Variants in TMEM131L observed in about 807,000 individuals in gnomAD.
TMEM131L encodes the protein transmembrane protein 131-like.
In TMEM131L, 54 loss-of-function variants were observed where a neutral mutation model predicts 192.2. The observed-to-expected ratio is 0.28, with a 90% CI of 0.23 to 0.35. TMEM131L has a LOEUF of 0.35. Among genes scored for constraint, TMEM131L ranks in the 10% least tolerant of loss-of-function variants. TMEM131L has a pLI of 1.00. For synonymous variants in TMEM131L, 701 were observed against 704.9 expected (o/e 0.99, Z 0.09); for missense variants, 1,888 against 1,972.9 (o/e 0.96, Z 0.82).
At chr4:153,617,778 G>A (rs1168476183) in intron 26 of TMEM131L, among the ~76,000 whole-genome samples, 1 of 151,644 alleles carries the variant, frequency 6.6e-6, no homozygotes, top group Non-Finnish European at 1.5e-5. Flanking sequence ...AACCAAAATG[G>A]AAAGAGGAGA....
intron 3 of TMEM131L, among the ~76,000 whole-genome samples, chr4:153,529,584 G>T (rs995947746): frequency 1.3e-5 from 2 of 152,200 alleles, no homozygotes; most frequent in Non-Finnish European, 2.9e-5. Context: ...AAATCTTAAT[G>T]CAAGCACAAA....
At chr4:153,635,026 T>C (rs1403117576) in intron 33 of TMEM131L, among the ~76,000 whole-genome samples, 1 of 152,238 alleles carries the variant, frequency 6.6e-6, no homozygotes, top group African/African-American at 2.4e-5. Flanking sequence ...TCCTTGGTTT[T>C]GGATTGCTGT....
intron 25 of TMEM131L, among the ~76,000 whole-genome samples, chr4:153,604,944 T>A (rs1435967354): frequency 2.6e-5 from 4 of 152,136 alleles, no homozygotes. Context: ...CCTCAAGTGA[T>A]CCACCCCTTT....
chr4:153,601,890 A>G lies in TMEM131L; in HGVS notation c.2267-262A>G, dbSNP rs535372408. 397 of 233,466 alleles carry G rather than the reference A, an allele frequency of 1.7e-3. 1 individual carries two copies. Among genetic ancestry groups the G allele is most frequent in the Non-Finnish European group, 2.6e-3 (325 of 123,308 alleles). 14.5% of individuals were successfully genotyped at this position (233,466 alleles called of 1,614,324 possible). ...GTAAAGGGACCAAAGAAGAGATTTT[A>G]GTTACTTTTTGTATCTTGGTAGAGC... On this transcript the variant is annotated intron_variant, in intron 21 of 34. Coordinates refer to ENST00000409959, the MANE Select transcript of TMEM131L (RefSeq NM_001131007.2).
chr4:153,499,190 T>C (rs967515070), intron 3 of TMEM131L, among the ~76,000 whole-genome samples: 2 of 152,220 alleles, frequency 1.3e-5, no homozygotes, highest in African/African-American at 4.8e-5. Context: ...AGGCTGCGCC[T>C]TGTAACTTGT....
rs12649523 is a variant in TMEM131L, at chr4:153,505,259, A to G, written c.239+31371A>G. On this transcript the variant is annotated intron_variant, in intron 3 of 34. Transcript: ENST00000409959. Reference sequence around the variant, plus strand: ...GTAGCTGGGACTACAGGCACGCACCACCACACCCCGGTAATTTTTGTATTT... The same window carrying G: ...GTAGCTGGGACTACAGGCACGCACCGCCACACCCCGGTAATTTTTGTATTT... Among the ~76,000 whole-genome samples the G allele has an allele frequency of 0.011, 1,632 of 151,898 alleles. 81 individuals are homozygous for G. The East Asian group carries it at 0.15, about 14-fold the overall frequency.
chr4:153,586,642 T>G lies in TMEM131L; in HGVS notation c.1482+263T>G, dbSNP rs1157943881. On this transcript the variant is annotated intron_variant, in intron 14 of 34. Transcript: ENST00000409959. Reference sequence around the variant, plus strand: ...GACCAATAGATTAATAGATGTCATTTTCATTTATTTCCAAAATTTGTAGAG... The same window carrying G: ...GACCAATAGATTAATAGATGTCATTGTCATTTATTTCCAAAATTTGTAGAG... 2.6e-5 allele frequency among the ~76,000 whole-genome samples: 4 copies of G among 152,212 alleles called. No homozygotes were observed. The East Asian group carries it at 7.7e-4, about 29-fold the overall frequency.
At chr4:153,612,540 G>T (rs1287524947) in intron 26 of TMEM131L, 140 bp downstream of exon 26, 33 of 601,132 alleles carry the variant, frequency 5.5e-5, no homozygotes, top group Non-Finnish European at 7.9e-5. Flanking sequence ...TGTGTTCAGA[G>T]AATTTTATTT....
intron 23 of TMEM131L, 73 bp from the exon 24 acceptor site, chr4:153,603,230 T>TC (rs1731970948): frequency 7.6e-7 from 1 of 1,311,764 alleles, no homozygotes. Context: ...TCCCCACTCT[T>TC]CTGTAATGAA....
intron 3 of TMEM131L, among the ~76,000 whole-genome samples, chr4:153,491,106 T>C (rs1732749567): frequency 6.6e-6 from 1 of 152,142 alleles, no homozygotes; most frequent in Admixed American, 6.6e-5. Context: ...GACACACAGA[T>C]ATCAAGTAAC....
chr4:153,563,957 T>C (rs1729020279), intron 7 of TMEM131L, among the ~76,000 whole-genome samples: 1 of 151,986 alleles, frequency 6.6e-6, no homozygotes, highest in Non-Finnish European at 1.5e-5. Flanking sequence ...GACCAGGTCA[T>C]GAGGAGGGGC....
intron 20 of TMEM131L, among the ~76,000 whole-genome samples, chr4:153,598,243 GT>G (rs33919587): frequency 0.28 from 41,361 of 148,606 alleles, 5,792 homozygotes; most frequent in Non-Finnish European, 0.33. Context: ...TATTTCTTCA[GT>G]TTTTTTTTTT....
At chr4:153,534,655 T>G (rs576843272) in intron 3 of TMEM131L, among the ~76,000 whole-genome samples, 17 of 152,220 alleles carry the variant, frequency 1.1e-4, no homozygotes, top group South Asian at 2.1e-4. Flanking sequence ...GGATGGTCTC[T>G]ATCTCCTGAC....
At chr4:153,515,092 A>G (rs1369464300) in intron 3 of TMEM131L, among the ~76,000 whole-genome samples, 1 of 152,250 alleles carries the variant, frequency 6.6e-6, no homozygotes, top group Non-Finnish European at 1.5e-5. Flanking sequence ...GATTGCAGGC[A>G]TTAGCCACCG....
rs573217310 is a variant in TMEM131L, at chr4:153,603,423, T to C, written c.2760T>C (p.Pro920=). ...CCTCTTCACAGCAAAACAATGGTCC[T>C]ATGGATGTAATCAGCCCCCATTCTT... is the stretch of plus-strand genomic sequence containing the variant. ...ASSSSQQNNG[P]MDVISPHSYK... The change falls in exon 24 of 35, where the codon CCT becomes CCC. Residue 920 remains proline, a synonymous_variant. Coordinates refer to ENST00000409959, the MANE Select transcript of TMEM131L (RefSeq NM_001131007.2). 1.2e-5 allele frequency: 19 copies of C among 1,614,084 alleles called. No homozygotes were observed. Among genetic ancestry groups the C allele is most frequent in the Admixed American group, 1.2e-4 (7 of 60,002 alleles).
intron 3 of TMEM131L, among the ~76,000 whole-genome samples, chr4:153,487,693 CGT>C (rs140651689): frequency 1.2e-3 from 171 of 142,000 alleles, no homozygotes; most frequent in African/African-American, 2.6e-3. Flanking sequence ...GCTGCACAGG[CGT>C]GTGTGTGTGT....
chr4:153,563,217 A>T (rs750882621), intron 7 of TMEM131L, among the ~76,000 whole-genome samples: 1 of 152,230 alleles, frequency 6.6e-6, no homozygotes, highest in Non-Finnish European at 1.5e-5. Context: ...AAGGAAAAAC[A>T]GCAGGAATAT....
chr4:153,603,890 A>G lies in TMEM131L; in HGVS notation c.2878A>G (p.Arg960Gly). The change falls in exon 25 of 35, where the codon AGG (arginine) becomes GGG (glycine). Residue 960 changes from arginine to glycine, a missense_variant. Arg to Gly is a moderately radical substitution (Grantham distance 125). Transcript: ENST00000409959. Reference sequence around the variant, plus strand: ...CCTTCCAGTGAACACTCCCCAAAGCAGGATCCAGAATGCTGCAAAGAGGAG... The same window carrying G: ...CCTTCCAGTGAACACTCCCCAAAGCGGGATCCAGAATGCTGCAAAGAGGAG... ...NCLPVNTPQS[R>G]IQNAAKRSPA... 6.2e-7 allele frequency: 1 copy of G among 1,614,144 alleles called. No homozygotes were observed. Among genetic ancestry groups the G allele is most frequent in the Non-Finnish European group, 8.5e-7 (1 of 1,179,980 alleles).
chr4:153,516,779 G>C (rs533442447), intron 3 of TMEM131L, among the ~76,000 whole-genome samples: 1 of 151,978 alleles, frequency 6.6e-6, no homozygotes, highest in Admixed American at 6.6e-5. Flanking sequence ...GAGCCTCCCA[G>C]CACTAGGTAC....
Sources: allele counts gnomAD v4.1 joint callset (sites outside exome capture counted in the v4.1 genomes callset), GRCh38; gene constraint gnomAD v4.1.1; transcripts MANE v1.5; gene names NCBI Gene and HGNC (gene_info 2026-07-23, HGNC 2026-07-21).